Variants in CWC22 observed in about 807,000 individuals in gnomAD.
CWC22 encodes pre-mRNA-splicing factor CWC22 homolog.
A neutral mutation model predicts 117.2 loss-of-function variants in CWC22; 53 were observed. That is an observed-to-expected ratio of 0.45 (90% CI 0.36 to 0.57). CWC22 has a LOEUF of 0.57. Ranked by LOEUF, CWC22 falls within the 20% of genes least tolerant of loss-of-function variation. The probability of loss-of-function intolerance (pLI) is 0.00; values close to 1 mark genes in which losing one functional copy is unlikely to be tolerated. For synonymous variants in CWC22, 360 were observed against 355.6 expected, an observed-to-expected ratio of 1.01 and a Z score of -0.14; for missense variants, 980 against 1,068.8, an observed-to-expected ratio of 0.92 and a Z score of 1.16.
chr2:179,967,844 A>G (rs1448405454), intron 11 of CWC22, among the ~76,000 whole-genome samples: 1 of 152,196 alleles, frequency 6.6e-6, no homozygotes, highest in African/African-American at 2.4e-5. Flanking sequence ...TACTTGAAAA[A>G]AATGGCCAAC....
At chr2:179,950,308 G>A (rs886684000) in intron 19 of CWC22, among the ~76,000 whole-genome samples, 1 of 152,148 alleles carries the variant, frequency 6.6e-6, no homozygotes, top group Non-Finnish European at 1.5e-5. Flanking sequence ...TTTCTATGAT[G>A]AGGATGTCAA....
At chr2:179,946,249 A>G (rs998132469) in intron 19 of CWC22, among the ~76,000 whole-genome samples, 2 of 152,022 alleles carry the variant, frequency 1.3e-5, no homozygotes, top group African/African-American at 2.4e-5. Context: ...CAGAAGTTGG[A>G]GACCAGCCTG....
At chr2:179,979,133 C>T (rs539279072) in intron 5 of CWC22, among the ~76,000 whole-genome samples, 11 of 152,032 alleles carry the variant, frequency 7.2e-5, no homozygotes, top group South Asian at 2.1e-4. Flanking sequence ...ATGTCTCTCT[C>T]GGGAAGTCTG....
Position 179,981,688 on chromosome 2 carries a change from C to T in CWC22, c.452+64G>A. On this transcript the variant is annotated intron_variant, in intron 5 of 19. Coordinates refer to ENST00000410053, the MANE Select transcript of CWC22 (RefSeq NM_020943.3). ...TTCTCAAGAACCAGGGTTAATTAAA[C>T]CACAGTTGACTTATTTTTCAATGAC... The T allele has an allele frequency of 2.1e-6, 3 of 1,407,794 alleles. No homozygotes were observed. In the Admixed American group the frequency reaches 5.5e-5, roughly 26 times the overall value. The allele number at this position is 1,407,794 out of a possible 1,614,324, so 87.2% of individuals were successfully genotyped here.
At chr2:179,966,042 T>C in intron 11 of CWC22, 60 bp from the exon 12 acceptor site, 1 of 1,281,328 alleles carries the variant, frequency 7.8e-7, no homozygotes, top group Non-Finnish European at 1.1e-6. Context: ...TGTATTTCAT[T>C]CTAAGAAGAT....
chr2:179,946,970 A>T (rs998426617), intron 19 of CWC22, among the ~76,000 whole-genome samples: 2 of 152,194 alleles, frequency 1.3e-5, no homozygotes, highest in Non-Finnish European at 2.9e-5. Flanking sequence ...GATTTTGCTG[A>T]TGTAATCACA....
At chr2:179,973,151 A>G (rs1266162030) in intron 8 of CWC22, 42 bp downstream of exon 8, 11 of 1,371,762 alleles carry the variant, frequency 8.0e-6, no homozygotes, top group Non-Finnish European at 1.1e-5. Flanking sequence ...CCTCTGGTCT[A>G]ATGCCACTGA....
intron 6 of CWC22, among the ~76,000 whole-genome samples, chr2:179,974,379 G>A (rs962979179): frequency 6.6e-6 from 1 of 152,172 alleles, no homozygotes; most frequent in African/African-American, 2.4e-5. Flanking sequence ...AAATTAAAAG[G>A]TACCTACTTG....
chr2:179,966,814 T>G lies in CWC22; in HGVS notation c.1211-832A>C, dbSNP rs560419546. Among the ~76,000 whole-genome samples the G allele has an allele frequency of 2.0e-5, 3 of 152,304 alleles. No homozygotes were observed. In the East Asian group the frequency reaches 5.8e-4, roughly 29 times the overall value. ...CGCATTTCTATTATAATCAGAGGGT[T>G]TTTAATACAAAGTTCTGGGACCAAT... On this transcript the variant is annotated intron_variant, in intron 11 of 19. Transcript: ENST00000410053.
At chr2:179,955,206 C>T (rs1430386718) in intron 14 of CWC22, among the ~76,000 whole-genome samples, 172 bp from the exon 15 acceptor site, 2 of 151,948 alleles carry the variant, frequency 1.3e-5, no homozygotes, top group African/African-American at 2.4e-5. Context: ...TCATTTTTTA[C>T]AGGCTTGGGT....
At chr2:179,978,365 TAAG>T in intron 5 of CWC22, 47 bp from the exon 6 acceptor site, 11 of 1,382,338 alleles carry the variant, frequency 8.0e-6, no homozygotes, top group Non-Finnish European at 1.0e-5. Context: ...ATTACAATAA[TAAG>T]AAGCTATAAG....
At chr2:179,999,950 C>T (rs1687803551) in intron 1 of CWC22, among the ~76,000 whole-genome samples, 1 of 152,098 alleles carries the variant, frequency 6.6e-6, no homozygotes, top group South Asian at 2.1e-4. Context: ...GAACGGAATT[C>T]TCAGAAAATA....
chr2:179,996,398 T>C (rs569466679), intron 1 of CWC22, among the ~76,000 whole-genome samples: 2 of 152,172 alleles, frequency 1.3e-5, no homozygotes, highest in Admixed American at 6.5e-5. Context: ...CTGAAAAATA[T>C]ATGAAATAAA....
chr2:179,988,873 A>G (rs928657937), intron 2 of CWC22, among the ~76,000 whole-genome samples: 4 of 151,986 alleles, frequency 2.6e-5, no homozygotes, highest in Non-Finnish European at 5.9e-5. Flanking sequence ...TTATGGACCA[A>G]AAACTTCTTT....
intron 2 of CWC22, among the ~76,000 whole-genome samples, chr2:179,992,809 A>G (rs1358187927): frequency 6.6e-6 from 1 of 152,258 alleles, no homozygotes; most frequent in Non-Finnish European, 1.5e-5. Context: ...GCATTTGTTA[A>G]ATAAATGAAC....
intron 12 of CWC22, among the ~76,000 whole-genome samples, 186 bp from the exon 13 acceptor site, chr2:179,964,814 T>C (rs1005325126): frequency 6.6e-6 from 1 of 152,222 alleles, no homozygotes; most frequent in African/African-American, 2.4e-5. Context: ...TTTTGCTATA[T>C]GACAATGTTA....
chr2:179,947,865 T>A (rs761407297), intron 19 of CWC22, among the ~76,000 whole-genome samples: 2 of 152,188 alleles, frequency 1.3e-5, no homozygotes, highest in Admixed American at 6.5e-5. Flanking sequence ...CCATATTTGA[T>A]GAAATATTGC....
At chr2:179,981,602 T>A (rs1391141228) in intron 5 of CWC22, 150 bp downstream of exon 5, 1 of 621,510 alleles carries the variant, frequency 1.6e-6, no homozygotes, top group Non-Finnish European at 2.8e-6. Flanking sequence ...GGCTCTCCAA[T>A]GGAGCTATAA....
At chr2:179,988,348 A>C (rs1687473156) in intron 3 of CWC22, among the ~76,000 whole-genome samples, 1 of 152,206 alleles carries the variant, frequency 6.6e-6, no homozygotes, top group South Asian at 2.1e-4. Context: ...AAACATTAAA[A>C]ATTACTCCCT....
Sources: allele counts gnomAD v4.1 joint callset (sites outside exome capture counted in the v4.1 genomes callset), GRCh38; gene constraint gnomAD v4.1.1; transcripts MANE v1.5; gene names NCBI Gene and HGNC (gene_info 2026-07-23, HGNC 2026-07-21).